The following POU2F2 variants were observed in gnomAD, a reference collection of about 807,000 sequenced individuals.
POU2F2 encodes POU class 2 homeobox 2.
Under a neutral mutation model 63.5 loss-of-function variants are expected in POU2F2, and 14 were observed. The observed-to-expected ratio is 0.22, with a 90% CI of 0.15 to 0.34. The LOEUF (loss-of-function observed/expected upper bound fraction) is 0.34. Among genes scored for constraint, POU2F2 ranks in the 10% least tolerant of loss-of-function variants. POU2F2 has a pLI of 1.00. For missense variants in POU2F2, 607 were observed against 815.2 expected (o/e 0.74, Z 3.11); for synonymous variants, 306 against 348.6 (o/e 0.88, Z 1.36).
chr19:42,109,442 G>A (rs2030707511), intron 5 of POU2F2, among the ~76,000 whole-genome samples: 1 of 152,154 alleles, frequency 6.6e-6, no homozygotes, highest in South Asian at 2.1e-4. Flanking sequence ...AGGAAGGAGT[G>A]GGGTCTGGGA....
intron 1 of POU2F2, among the ~76,000 whole-genome samples, chr19:42,174,118 G>A (rs79781948): frequency 0.089 from 13,476 of 152,110 alleles, 822 homozygotes; most frequent in Middle Eastern, 0.19. Context: ...TCAGCCATAC[G>A]CCCGCGACCT....
chr19:42,097,968 G>A (rs1053662896), intron 7 of POU2F2, among the ~76,000 whole-genome samples: 3 of 152,050 alleles, frequency 2.0e-5, no homozygotes, highest in Non-Finnish European at 4.4e-5. Flanking sequence ...CCCCTCTCAG[G>A]TTTTGTTGTT....
At chr19:42,175,414 G>T (rs2034854277) in intron 1 of POU2F2, among the ~76,000 whole-genome samples, 1 of 152,046 alleles carries the variant, frequency 6.6e-6, no homozygotes, top group African/African-American at 2.4e-5. Flanking sequence ...ACTGAGGGAG[G>T]GGGTAGAAAG....
At chr19:42,159,247 A>G (rs2034510712) in intron 2 of POU2F2, among the ~76,000 whole-genome samples, 1 of 152,138 alleles carries the variant, frequency 6.6e-6, no homozygotes, top group African/African-American at 2.4e-5. Flanking sequence ...AACCCTGGCA[A>G]GTCAGGGTTG....
chr19:42,116,771 C>A lies in POU2F2; in HGVS notation c.369+479G>T, dbSNP rs551485088. On this transcript the variant is annotated intron_variant, in intron 5 of 14. Coordinates refer to ENST00000692977, the MANE Select transcript of POU2F2 (RefSeq NM_001394376.1). The stretch of plus-strand genomic sequence containing the variant: ...TGTGGGGTCCCAGGGGGCTGGCTGG[C>A]AGGCTGTGGTGGTGGCAGGTCACCC... 20 of 355,364 alleles carry A rather than the reference C, an allele frequency of 5.6e-5. 1 individual carries two copies. The highest frequency in any genetic ancestry group is 4.0e-4 in the South Asian group (20 of 49,626). The allele number at this position is 355,364 out of a possible 1,614,324, so 22.0% of individuals were successfully genotyped here. A position where few individuals can be genotyped will look rare whatever the true frequency, so the allele number is the denominator to read the frequency against.
chr19:42,165,129 T>C (rs1417089158), intron 1 of POU2F2, among the ~76,000 whole-genome samples: 2 of 152,214 alleles, frequency 1.3e-5, no homozygotes, highest in African/African-American at 4.8e-5. Flanking sequence ...AGGTACTTAG[T>C]GGAGGCACCT....
At chr19:42,181,651 A>G (rs1338270194) in intron 1 of POU2F2, among the ~76,000 whole-genome samples, 3 of 152,060 alleles carry the variant, frequency 2.0e-5, no homozygotes, top group East Asian at 1.9e-4. Flanking sequence ...CAGTGGCACA[A>G]TCTCGGCTCT....
chr19:42,132,439 A>G lies in POU2F2; in HGVS notation c.-28T>C, dbSNP rs1452290553. The G allele has an allele frequency of 1.4e-6, 2 of 1,465,084 alleles. No individual in the cohort carries two copies. The highest frequency in any genetic ancestry group is 1.8e-6 in the Non-Finnish European group (2 of 1,108,040). 90.8% of individuals were successfully genotyped at this position (1,465,084 alleles called of 1,614,324 possible). A position where few individuals can be genotyped will look rare whatever the true frequency, so the allele number is the denominator to read the frequency against. On this transcript the variant is annotated 5_prime_UTR_variant, in exon 1 of 15. Transcript: ENST00000692977. ...TGCCCGCCCCGCCAGGGCTGGGGGAACAACTGTGTCATCTCCCCACCCTCT... is the reference window on the plus strand; with the variant it reads ...TGCCCGCCCCGCCAGGGCTGGGGGAGCAACTGTGTCATCTCCCCACCCTCT...
In POU2F2 at chr19:42,117,443, A is replaced by C; in HGVS notation, c.187-11T>G. 2 of 1,033,526 alleles carry C rather than the reference A, an allele frequency of 1.9e-6. No homozygotes were observed. The highest frequency in any genetic ancestry group is 2.9e-6 in the Non-Finnish European group (2 of 698,766). 64.0% of individuals were successfully genotyped at this position (1,033,526 alleles called of 1,614,324 possible). On this transcript the variant is annotated splice_polypyrimidine_tract_variant and intron_variant, in intron 4 of 14. Transcript: ENST00000692977. This position sits in a 1 kb window ranked among gnomAD's most constrained non-coding sequence, Gnocchi z 4.4. Reference sequence around the variant, plus strand: ...AGAGAGAATGCCCACCTGTGAACCAAAGAGAGGGCACGTGTGTGGCAATGG... The same window carrying C: ...AGAGAGAATGCCCACCTGTGAACCACAGAGAGGGCACGTGTGTGGCAATGG...
At chr19:42,098,911 G>A (rs527566898) in intron 7 of POU2F2, among the ~76,000 whole-genome samples, 2 of 152,304 alleles carry the variant, frequency 1.3e-5, no homozygotes, top group South Asian at 4.1e-4. Context: ...CCTCTCTAAG[G>A]GGCCTCTGCT....
rs770531726 is a variant in POU2F2, at chr19:42,111,209, C to T, written c.369+6041G>A. ...CATAGCTCACTGCCATCTTGACCTCCCATGCTCAAGCGATCCTCCTGCCTC... is the reference window on the plus strand; with the variant it reads ...CATAGCTCACTGCCATCTTGACCTCTCATGCTCAAGCGATCCTCCTGCCTC... On this transcript the variant is annotated intron_variant, in intron 5 of 14. Transcript: ENST00000692977. 4.3e-4 allele frequency among the ~76,000 whole-genome samples: 65 copies of T among 152,112 alleles called. 1 individual carries two copies. The highest frequency in any genetic ancestry group is 7.4e-5 in the Non-Finnish European group (5 of 68,016).
intron 5 of POU2F2, among the ~76,000 whole-genome samples, chr19:42,105,992 CTTTCTTT>C (rs1448404912): frequency 1.4e-5 from 2 of 141,640 alleles, no homozygotes; most frequent in Non-Finnish European, 3.1e-5. Context: ...TATATAGGAT[CTTTCTTT>C]TTTCTTTCTT....
At position 42,169,494 on chromosome 19, in the gene POU2F2, T is replaced by C. The variant is rs1181052266; in HGVS notation, c.-70+6469A>G. Among the ~76,000 whole-genome samples the C allele has an allele frequency of 6.6e-6, 1 of 152,144 alleles. No homozygotes were observed. Among genetic ancestry groups the C allele is most frequent in the African/African-American group, 2.4e-5 (1 of 41,418 alleles). On this transcript the variant is annotated intron_variant, in intron 1 of 6. Coordinates refer to the POU2F2 transcript ENST00000524801. The surrounding 1 kb of genome is among the most constrained non-coding windows in gnomAD (Gnocchi z 4.3). ...CCATTTTGGCATCTCTGTGGACAAA[T>C]ATACAAACGTCTATGTGCATCTGCA... is the stretch of plus-strand genomic sequence containing the variant.
At chr19:42,193,129 G>A (rs1458195402) in intron 1 of POU2F2, among the ~76,000 whole-genome samples, 1 of 151,408 alleles carries the variant, frequency 6.6e-6, no homozygotes, top group African/African-American at 2.4e-5. Flanking sequence ...GGGAGGCTGA[G>A]GCGGGAGAAT....
rs1568980958 is a variant in POU2F2, at chr19:42,096,277, CGGA to C, written c.568-37_568-35del. 3 of 1,513,798 alleles carry C rather than the reference CGGA, an allele frequency of 2.0e-6. No homozygotes were observed. Among genetic ancestry groups the C allele is most frequent in the Non-Finnish European group, 2.7e-6 (3 of 1,131,180 alleles). 93.8% of individuals were successfully genotyped at this position (1,513,798 alleles called of 1,614,324 possible). The stretch of plus-strand genomic sequence containing the variant: ...GTGGGCAGGTGGGTGGGATGCAGGG[CGGA>C]GGACCAGGATGGGGCTCAGCGATGG... On this transcript the variant is annotated intron_variant, in intron 7 of 14. Transcript: ENST00000692977. The surrounding 1 kb of genome is among the most constrained non-coding windows in gnomAD (Gnocchi z 4.1).
intron 12 of POU2F2, 67 bp downstream of exon 12, chr19:42,093,762 G>A: frequency 6.6e-7 from 1 of 1,513,024 alleles, no homozygotes; most frequent in Non-Finnish European, 9.1e-7. Context: ...AGCCACTTGG[G>A]AACCTCAGGC....
intron 5 of POU2F2, among the ~76,000 whole-genome samples, chr19:42,104,566 G>A (rs1287970444): frequency 2.6e-5 from 4 of 152,072 alleles, no homozygotes; most frequent in Non-Finnish European, 5.9e-5. Context: ...GTCCTGACAT[G>A]GAACAATCTG....
intron 1 of POU2F2, among the ~76,000 whole-genome samples, chr19:42,188,856 GAGAA>G (rs766776370): frequency 1.3e-3 from 182 of 135,134 alleles, no homozygotes; most frequent in South Asian, 5.4e-3. Flanking sequence ...GGGAAAGAGA[GAGAA>G]AGAAAGAAAG....
rs1344577030 is a variant in POU2F2 at position 42,092,173 on chromosome 19, G to T, written c.1362C>A (p.Ile454=). 3 of 1,521,762 alleles carry T rather than the reference G, an allele frequency of 2.0e-6. No individual in the cohort carries two copies. Among genetic ancestry groups the T allele is most frequent in the African/African-American group, 2.8e-5 (2 of 72,360 alleles). 94.3% of individuals were successfully genotyped at this position (1,521,762 alleles called of 1,614,324 possible). A position where few individuals can be genotyped will look rare whatever the true frequency, so the allele number is the denominator to read the frequency against. Residue 454 remains isoleucine (I), a synonymous_variant, in exon 13 of 15, where the codon ATC becomes ATA. Coordinates refer to ENST00000692977, the MANE Select transcript of POU2F2 (RefSeq NM_001394376.1). This position sits in a 1 kb window ranked among gnomAD's most constrained non-coding sequence, Gnocchi z 5.0. ...GGGAAPPLNS[I]PSVTPPPPAT... ...CCGGGGGTGGGGGAGTGACAGAGGG[G>T]ATGGAATTGAGGGGGGGCGCAGCCC...
Sources: allele counts gnomAD v4.1 joint callset (sites outside exome capture counted in the v4.1 genomes callset), GRCh38; gene constraint gnomAD v4.1.1; non-coding constraint Gnocchi (gnomAD v3.1); transcripts MANE v1.5; gene names NCBI Gene and HGNC (gene_info 2026-07-23, HGNC 2026-07-21).